Variants in PPM1B observed in about 807,000 individuals in gnomAD.
The protein encoded by PPM1B is protein phosphatase 1B.
A neutral mutation model predicts 43.0 loss-of-function variants in PPM1B; 22 were observed. The ratio of observed to expected loss-of-function variants is 0.51; its 90% CI spans 0.37 to 0.73. The LOEUF (loss-of-function observed/expected upper bound fraction) is 0.73. Among genes scored for constraint, PPM1B ranks in the 30% least tolerant of loss-of-function variants. The pLI is 0.00. For synonymous variants in PPM1B, 217 were observed against 197.9 expected, an observed-to-expected ratio of 1.10 and a Z score of -0.81; for missense variants, 632 against 584.2, an observed-to-expected ratio of 1.08 and a Z score of -0.84.
In PPM1B at chr2:44,210,997, G is replaced by A. The variant is rs566280037; in HGVS notation, c.964+1670G>A. On this transcript the variant is annotated intron_variant, in intron 3 of 5. Coordinates refer to ENST00000282412, the MANE Select transcript of PPM1B (RefSeq NM_002706.6). ...CTAAAAATACAAAAATTAGTCGGGC[G>A]TGGTGGCAGGTGCCTGTAATCCCAG... 5.9e-5 allele frequency among the ~76,000 whole-genome samples: 9 copies of A among 152,066 alleles called. No individual in the cohort carries two copies. In the South Asian group the frequency reaches 6.2e-4, roughly 11 times the overall value.
chr2:44,199,503 A>T (rs1490395270), intron 1 of PPM1B, among the ~76,000 whole-genome samples: 3 of 152,160 alleles, frequency 2.0e-5, no homozygotes. Flanking sequence ...AAAGTGATTT[A>T]GTAAATACAG....
chr2:44,218,639 T>TTC, intron 5 of PPM1B, 102 bp downstream of exon 5: 1 of 776,068 alleles, frequency 1.3e-6, no homozygotes, highest in Non-Finnish European at 2.1e-6. Context: ...AATTATAGTC[T>TTC]GTAGTAAATT....
At chr2:44,174,320 A>G (rs1020598197) in intron 1 of PPM1B, among the ~76,000 whole-genome samples, 4 of 152,234 alleles carry the variant, frequency 2.6e-5, no homozygotes, top group African/African-American at 9.6e-5. Context: ...TCATACTTAG[A>G]GGAGACAGAC....
intron 3 of PPM1B, among the ~76,000 whole-genome samples, chr2:44,211,736 TTC>T (rs1669475403): frequency 7.1e-6 from 1 of 140,942 alleles, no homozygotes. Context: ...GATTTTCTGA[TTC>T]TGTCTTTTTT....
chr2:44,188,373 C>T (rs1668227383), intron 1 of PPM1B, among the ~76,000 whole-genome samples: 1 of 147,824 alleles, frequency 6.8e-6, no homozygotes, highest in South Asian at 2.2e-4. Context: ...TTTAGTGCTG[C>T]TGAGTTTCTT....
intron 5 of PPM1B, among the ~76,000 whole-genome samples, chr2:44,223,343 G>T (rs1473391831): frequency 2.0e-5 from 3 of 152,100 alleles, no homozygotes; most frequent in African/African-American, 4.8e-5. Flanking sequence ...ATTGTTTTCA[G>T]ATTATTAAAT....
intron 2 of PPM1B, among the ~76,000 whole-genome samples, chr2:44,207,841 C>T (rs1214491346): frequency 2.7e-5 from 4 of 150,912 alleles, no homozygotes; most frequent in Admixed American, 1.3e-4. Context: ...CCGAGGCCTC[C>T]CGAAGTGCTG....
chr2:44,233,028 C>A, downstream of PPM1B: 1 of 983,528 alleles, frequency 1.0e-6, no homozygotes, highest in Non-Finnish European at 1.2e-6. Flanking sequence ...ACTAGAAAAT[C>A]TTTTGAAACC....
At chr2:44,173,398 A>G (rs542139489) in intron 1 of PPM1B, among the ~76,000 whole-genome samples, 230 of 152,056 alleles carry the variant, frequency 1.5e-3, no homozygotes, top group Non-Finnish European at 2.6e-3. Flanking sequence ...TTTTCTTTTT[A>G]GTTTTCTTTT....
chr2:44,186,530 A>G (rs549688808), intron 1 of PPM1B, among the ~76,000 whole-genome samples: 2 of 151,942 alleles, frequency 1.3e-5, no homozygotes, highest in East Asian at 3.9e-4. Flanking sequence ...CACCGTGCCC[A>G]GTTAATTTTT....
At chr2:44,173,791 A>C (rs75589216) in intron 1 of PPM1B, among the ~76,000 whole-genome samples, 6,826 of 152,186 alleles carry the variant, frequency 0.045, 502 homozygotes, top group African/African-American at 0.15. Context: ...AAAAAATACA[A>C]AAATTAGCCG....
At chr2:44,235,173 G>A (rs1225055415), downstream of PPM1B, among the ~76,000 whole-genome samples, 2 of 152,072 alleles carry the variant, frequency 1.3e-5, no homozygotes, top group Middle Eastern at 3.2e-3. Flanking sequence ...AAATCCACTG[G>A]GTCTGTCTTG....
chr2:44,234,345 C>A (rs990086911), downstream of PPM1B: 1 of 565,928 alleles, frequency 1.8e-6, no homozygotes, highest in Non-Finnish European at 2.2e-6. Flanking sequence ...ACGGTGAAAC[C>A]CTGCCTCTAC....
rs189893420 is a variant in PPM1B at position 44,210,478 on chromosome 2, C to G, written c.964+1151C>G. Among the ~76,000 whole-genome samples the G allele has an allele frequency of 1.3e-4, 20 of 152,236 alleles. No homozygotes were observed. In the East Asian group the frequency reaches 3.9e-3, roughly 29 times the overall value. On this transcript the variant is annotated intron_variant, in intron 3 of 5. Transcript: ENST00000282412. ...CAAGCAGTCCTCCCACATTGGCCTA[C>G]CAAAGTGCTGGGATTACAGGCATGA...
intron 1 of PPM1B, among the ~76,000 whole-genome samples, chr2:44,179,774 C>G (rs542493858): frequency 1.3e-5 from 2 of 151,914 alleles, no homozygotes; most frequent in African/African-American, 4.8e-5. Context: ...TTTGGGAGGC[C>G]GAGGCGGGTG....
At chr2:44,210,978 A>C (rs1158471978) in intron 3 of PPM1B, among the ~76,000 whole-genome samples, 1 of 152,164 alleles carries the variant, frequency 6.6e-6, no homozygotes, top group East Asian at 1.9e-4. Flanking sequence ...TGTACTAAAA[A>C]TACAAAAATT....
At chr2:44,173,356 A>C (rs1046438620) in intron 1 of PPM1B, among the ~76,000 whole-genome samples, 1 of 152,208 alleles carries the variant, frequency 6.6e-6, no homozygotes, top group African/African-American at 2.4e-5. Context: ...ATCCTAGGAA[A>C]CATAAATACT....
At chr2:44,227,593 A>G (rs958141638) in intron 5 of PPM1B, among the ~76,000 whole-genome samples, 7 of 146,874 alleles carry the variant, frequency 4.8e-5, no homozygotes, top group African/African-American at 1.3e-4. Flanking sequence ...ATCTTGGCTC[A>G]CTGCAACCTC....
chr2:44,190,155 A>ATTTTT (rs35252924), intron 1 of PPM1B, among the ~76,000 whole-genome samples: 1 of 112,042 alleles, frequency 8.9e-6, no homozygotes, highest in Non-Finnish European at 1.9e-5. Flanking sequence ...AGTTTATTTG[A>ATTTTT]TTTTTTTTTT....
Sources: allele counts gnomAD v4.1 joint callset (sites outside exome capture counted in the v4.1 genomes callset), GRCh38; gene constraint gnomAD v4.1.1; transcripts MANE v1.5; gene names NCBI Gene and HGNC (gene_info 2026-07-23, HGNC 2026-07-21).